The following PACRG variants were observed in gnomAD, a reference collection of about 807,000 sequenced individuals.
PACRG encodes parkin coregulated gene protein.
In PACRG, 29 loss-of-function variants were observed where a neutral mutation model predicts 29.7. That is an observed-to-expected ratio of 0.98 (90% CI 0.73 to 1.33). The LOEUF (loss-of-function observed/expected upper bound fraction) is 1.33, where lower values mean the gene tolerates loss of function less well. Among genes scored for constraint, PACRG ranks in the 40% most tolerant of loss-of-function variants. The probability of loss-of-function intolerance (pLI) is 0.00; values close to 1 mark genes in which losing one functional copy is unlikely to be tolerated. For synonymous variants in PACRG, 116 were observed against 118.7 expected (o/e 0.98, Z 0.15); for missense variants, 279 against 316.2 (o/e 0.88, Z 0.89).
At chr6:162,788,936 C>T (rs1239757089) in intron 1 of PACRG, among the ~76,000 whole-genome samples, 1 of 151,762 alleles carries the variant, frequency 6.6e-6, no homozygotes, top group African/African-American at 2.4e-5. Context: ...TAAATATTTT[C>T]TTCCAGTCCG....
At chr6:162,748,977 T>G (rs1310558792) in intron 1 of PACRG, among the ~76,000 whole-genome samples, 1 of 152,224 alleles carries the variant, frequency 6.6e-6, no homozygotes, top group Non-Finnish European at 1.5e-5. Flanking sequence ...TGATCTGCTT[T>G]CTTTTACTAT....
intron 4 of PACRG, among the ~76,000 whole-genome samples, chr6:163,104,825 A>G (rs1000792523): frequency 6.6e-6 from 1 of 152,210 alleles, no homozygotes; most frequent in Non-Finnish European, 1.5e-5. Flanking sequence ...AAACACATTA[A>G]AAATTGCTCT....
At chr6:162,746,554 A>G (rs1350084790) in intron 1 of PACRG, among the ~76,000 whole-genome samples, 3 of 152,228 alleles carry the variant, frequency 2.0e-5, no homozygotes, top group Non-Finnish European at 4.4e-5. Flanking sequence ...GATGGTACAC[A>G]CATTCACACA....
At chr6:163,183,586 A>G (rs967599671) in intron 4 of PACRG, 3 of 152,318 alleles carry the variant, frequency 2.0e-5, no homozygotes, top group Middle Eastern at 3.4e-3. Flanking sequence ...AAGAAAAAAA[A>G]AAGGAAGAAA....
intron 1 of PACRG, among the ~76,000 whole-genome samples, chr6:162,733,012 C>T (rs1165900474): frequency 6.6e-6 from 1 of 152,124 alleles, no homozygotes; most frequent in Non-Finnish European, 1.5e-5. Flanking sequence ...ATGTTGTTCC[C>T]TTTGCTCGAA....
intron 4 of PACRG, among the ~76,000 whole-genome samples, chr6:163,273,189 G>C (rs1038543852): frequency 6.8e-6 from 1 of 146,746 alleles, no homozygotes; most frequent in Non-Finnish European, 1.5e-5. Context: ...CACCGCGCCC[G>C]GCCTGCATCA....
chr6:163,207,186 G>A (rs73784533), intron 4 of PACRG, among the ~76,000 whole-genome samples: 1 of 152,114 alleles, frequency 6.6e-6, no homozygotes, highest in Non-Finnish European at 1.5e-5. Context: ...GGTCCCAGTG[G>A]TATTTATCTC....
intron 4 of PACRG, among the ~76,000 whole-genome samples, chr6:163,104,372 T>C (rs1815266629): frequency 6.6e-6 from 1 of 152,170 alleles, no homozygotes; most frequent in African/African-American, 2.4e-5. Flanking sequence ...ATGGATAAAA[T>C]CTGTGTATGT....
chr6:162,891,763 G>T (rs1468895813), intron 2 of PACRG, among the ~76,000 whole-genome samples: 2 of 152,096 alleles, frequency 1.3e-5, no homozygotes, highest in Non-Finnish European at 2.9e-5. Context: ...AACCATGTGG[G>T]TCACTCAGGT....
At chr6:163,196,158 C>T (rs1048057558) in intron 4 of PACRG, among the ~76,000 whole-genome samples, 3 of 152,200 alleles carry the variant, frequency 2.0e-5, no homozygotes, top group Non-Finnish European at 4.4e-5. Flanking sequence ...GAGAACGTTC[C>T]CTGATCATCT....
intron 4 of PACRG, among the ~76,000 whole-genome samples, chr6:163,159,292 T>C (rs1261728215): frequency 6.7e-6 from 1 of 148,396 alleles, no homozygotes; most frequent in Non-Finnish European, 1.5e-5. Context: ...CTATTATTTA[T>C]ATATGTTATA....
chr6:163,030,808 G>A (rs998396386), intron 2 of PACRG, among the ~76,000 whole-genome samples: 5 of 152,180 alleles, frequency 3.3e-5, no homozygotes, highest in Admixed American at 2.6e-4. Flanking sequence ...GGCACTGGTG[G>A]GAATGTAGCA....
At chr6:163,047,315 A>G (rs1809499738) in intron 2 of PACRG, among the ~76,000 whole-genome samples, 1 of 152,230 alleles carries the variant, frequency 6.6e-6, no homozygotes, top group Admixed American at 6.5e-5. Context: ...TATGTGATCA[A>G]GGAAAGAGAA....
At chr6:162,744,194 T>C (rs1302630444) in intron 1 of PACRG, among the ~76,000 whole-genome samples, 1 of 152,214 alleles carries the variant, frequency 6.6e-6, no homozygotes, top group East Asian at 1.9e-4. Flanking sequence ...TTTCTAGAAA[T>C]GTTCCTATGA....
chr6:162,931,870 A>G (rs968944994), intron 2 of PACRG, among the ~76,000 whole-genome samples: 5 of 152,044 alleles, frequency 3.3e-5, no homozygotes, highest in African/African-American at 7.2e-5. Context: ...AAAGTCAAAG[A>G]TACAAATGCC....
chr6:162,997,991 A>C (rs539854395), intron 2 of PACRG, among the ~76,000 whole-genome samples: 4 of 152,330 alleles, frequency 2.6e-5, no homozygotes, highest in African/African-American at 9.6e-5. Flanking sequence ...GTATGTCCTT[A>C]AACAAGTTAC....
chr6:162,823,973 G>C, intron 2 of PACRG, among the ~76,000 whole-genome samples: 1 of 152,110 alleles, frequency 6.6e-6, no homozygotes, highest in South Asian at 2.1e-4. Context: ...GGCCTAAAAG[G>C]GGACTTTGTA....
chr6:163,069,069 C>A (rs1174917299), intron 3 of PACRG, among the ~76,000 whole-genome samples: 1 of 152,008 alleles, frequency 6.6e-6, no homozygotes, highest in Non-Finnish European at 1.5e-5. Context: ...CAAGGCAGTA[C>A]CTCTATGACT....
chr6:162,885,266 C>G (rs1414124246), intron 2 of PACRG, among the ~76,000 whole-genome samples: 8 of 130,434 alleles, frequency 6.1e-5, no homozygotes. Context: ...CTTTCTTTCT[C>G]TTTTTTTTTT....
Sources: allele counts gnomAD v4.1 joint callset (sites outside exome capture counted in the v4.1 genomes callset), GRCh38; gene constraint gnomAD v4.1.1; transcripts MANE v1.5; gene names NCBI Gene and HGNC (gene_info 2026-07-23, HGNC 2026-07-21).